Variants in MAP4K4 observed in about 807,000 individuals in gnomAD.
MAP4K4 encodes HPK/GCK-like kinase HGK.
MAP4K4 carries 38 observed loss-of-function variants against 189.6 expected under a neutral mutation model. The ratio of observed to expected loss-of-function variants is 0.20; its 90% CI spans 0.15 to 0.26. The LOEUF (loss-of-function observed/expected upper bound fraction) is 0.26, where lower values mean the gene tolerates loss of function less well. MAP4K4 is among the 10% of genes least tolerant of loss of function. The pLI is 1.00. For synonymous variants in MAP4K4, 610 were observed against 624.3 expected, an observed-to-expected ratio of 0.98 and a Z score of 0.34; for missense variants, 1,054 against 1,726.9, an observed-to-expected ratio of 0.61 and a Z score of 6.91.
intron 2 of MAP4K4, among the ~76,000 whole-genome samples, chr2:101,770,062 G>A (rs575426455): frequency 9.2e-5 from 14 of 152,218 alleles, no homozygotes; most frequent in Non-Finnish European, 1.5e-4. Flanking sequence ...TTTACTAGGA[G>A]GATGAGCTCA....
intron 2 of MAP4K4, among the ~76,000 whole-genome samples, chr2:101,736,120 A>C (rs917509469): frequency 1.3e-5 from 2 of 152,148 alleles, no homozygotes; most frequent in African/African-American, 4.8e-5. Context: ...ATTGCTTCCC[A>C]CTTGTTTTTA....
exon 23 of MAP4K4, chr2:101,870,395 G>T (rs1315369498): frequency 6.2e-7 from 1 of 1,613,722 alleles, no homozygotes; most frequent in Non-Finnish European, 8.5e-7. Flanking sequence ...ATCCAAGGAG[G>T]GCACTCTAAT....
At chr2:101,727,592 G>T (rs79952538) in intron 2 of MAP4K4, among the ~76,000 whole-genome samples, 3,368 of 152,294 alleles carry the variant, frequency 0.022, 106 homozygotes, top group African/African-American at 0.076. Flanking sequence ...AGTATATACA[G>T]GTTAATATAA....
intron 2 of MAP4K4, among the ~76,000 whole-genome samples, chr2:101,699,703 T>G (rs1324332410): frequency 6.6e-6 from 1 of 152,144 alleles, no homozygotes; most frequent in Non-Finnish European, 1.5e-5. Flanking sequence ...ATCTATCACT[T>G]GAACGCCTCT....
At position 101,755,942 on chromosome 2, in the gene MAP4K4, T is replaced by C. The variant is rs961299884; in HGVS notation, c.124-34778T>C. Reference sequence around the variant, plus strand: ...TGAGTTCTTTTTCTTTTTTTTTTTTTTTTTTTTTTTTTTTTTGAGACAGCG... The same window carrying C: ...TGAGTTCTTTTTCTTTTTTTTTTTTCTTTTTTTTTTTTTTTTGAGACAGCG... On this transcript the variant is annotated intron_variant, in intron 2 of 32. Coordinates refer to ENST00000324219, the Ensembl canonical transcript of MAP4K4. Among the ~76,000 whole-genome samples, 185 of 130,814 alleles carry C rather than the reference T, an allele frequency of 1.4e-3. 2 individuals are homozygous for C. The highest frequency in any genetic ancestry group is 4.7e-3 in the African/African-American group (162 of 34,216). The allele number at this position is 130,814 out of a possible 152,430, so 85.8% of individuals were successfully genotyped here.
intron 12 of MAP4K4, among the ~76,000 whole-genome samples, chr2:101,845,626 T>C (rs932994790): frequency 2.6e-5 from 4 of 152,142 alleles, no homozygotes; most frequent in Admixed American, 1.3e-4. Flanking sequence ...TATGTAAACA[T>C]AGAAAAAGTA....
chr2:101,730,572 G>C (rs1559128942), intron 2 of MAP4K4, among the ~76,000 whole-genome samples: 1 of 152,154 alleles, frequency 6.6e-6, no homozygotes, highest in South Asian at 2.1e-4. Flanking sequence ...TAACTCCAGA[G>C]CTCTGGTGGG....
chr2:101,829,997 C>A (rs556644347), intron 6 of MAP4K4, among the ~76,000 whole-genome samples: 21 of 152,274 alleles, frequency 1.4e-4, no homozygotes, highest in African/African-American at 4.8e-4. Flanking sequence ...TCATCAGTCA[C>A]TGTCTTTTTT....
chr2:101,739,329 C>A lies in MAP4K4; in HGVS notation c.123+40791C>A, dbSNP rs375388673. Among the ~76,000 whole-genome samples the A allele has an allele frequency of 2.6e-5, 4 of 152,272 alleles. No homozygotes were observed. The South Asian group carries it at 8.3e-4, about 32-fold the overall frequency. ...CCAAAAGTAAAAACATTTATGAAGT[C>A]ATCTTAGTGTATAAATGGAAACATT... On this transcript the variant is annotated intron_variant, in intron 2 of 32. Transcript: ENST00000324219.
At chr2:101,708,524 G>C (rs1484344123) in intron 2 of MAP4K4, among the ~76,000 whole-genome samples, 1 of 152,224 alleles carries the variant, frequency 6.6e-6, no homozygotes, top group South Asian at 2.1e-4. Context: ...GCCATGGTAC[G>C]TATTAATTAC....
intron 2 of MAP4K4, among the ~76,000 whole-genome samples, chr2:101,762,946 C>A (rs908395089): frequency 6.6e-6 from 1 of 152,056 alleles, no homozygotes; most frequent in African/African-American, 2.4e-5. Context: ...TTTGAGTGGC[C>A]GCCATTTGTG....
At chr2:101,752,530 T>C (rs2069647097) in intron 2 of MAP4K4, among the ~76,000 whole-genome samples, 1 of 152,284 alleles carries the variant, frequency 6.6e-6, no homozygotes, top group Non-Finnish European at 1.5e-5. Flanking sequence ...ATAGCTAAGC[T>C]CACCCTGTGT....
At chr2:101,708,727 C>T (rs186672228) in intron 2 of MAP4K4, among the ~76,000 whole-genome samples, 30 of 152,298 alleles carry the variant, frequency 2.0e-4, no homozygotes, top group Admixed American at 1.8e-3. Flanking sequence ...TATTGGAACA[C>T]TTTGATCATG....
chr2:101,774,787 G>A (rs549984564), intron 2 of MAP4K4, among the ~76,000 whole-genome samples: 1 of 152,194 alleles, frequency 6.6e-6, no homozygotes, highest in African/African-American at 2.4e-5. Flanking sequence ...CACCCCAAAA[G>A]CCCCTCTCAT....
chr2:101,817,309 G>T (rs1368459881), intron 3 of MAP4K4, among the ~76,000 whole-genome samples: 3 of 152,102 alleles, frequency 2.0e-5, no homozygotes, highest in Non-Finnish European at 4.4e-5. Context: ...TGCATTTATT[G>T]TTTGAGTAAG....
intron 29 of MAP4K4, among the ~76,000 whole-genome samples, chr2:101,886,272 C>T (rs1275262195): frequency 2.0e-5 from 3 of 152,238 alleles, no homozygotes; most frequent in Non-Finnish European, 2.9e-5. Flanking sequence ...ATCGTAGTCT[C>T]GTGAACTGTG....
intron 23 of MAP4K4, 25 bp downstream of exon 23, chr2:101,870,440 G>T (rs2097952943): frequency 6.2e-7 from 1 of 1,612,170 alleles, no homozygotes; most frequent in Admixed American, 1.7e-5. Flanking sequence ...TCTGTTGTCA[G>T]AGGCTGAGCT....
chr2:101,720,652 T>TACA (rs2051337607), intron 2 of MAP4K4, among the ~76,000 whole-genome samples: 2 of 152,218 alleles, frequency 1.3e-5, no homozygotes, highest in African/African-American at 4.8e-5. Context: ...TAAAACAAAA[T>TACA]ACAACACTTT....
chr2:101,851,334 A>G (rs1173692644), intron 12 of MAP4K4, among the ~76,000 whole-genome samples: 1 of 152,208 alleles, frequency 6.6e-6, no homozygotes, highest in Non-Finnish European at 1.5e-5. Context: ...AAAAGCTTCA[A>G]AAGATTGTAT....
Sources: gnomAD v4.1 joint callset for allele counts (sites outside exome capture counted in the v4.1 genomes callset) on GRCh38, gnomAD v4.1.1 for gene constraint, MANE v1.5 for transcripts, NCBI Gene and HGNC (gene_info 2026-07-23, HGNC 2026-07-21) for gene names.